Variants in PSD2 observed in about 807,000 individuals in gnomAD.
PSD2 encodes PH and SEC7 domain-containing protein 2.
In PSD2, 38 loss-of-function variants were observed where a neutral mutation model predicts 69.8. The observed-to-expected ratio is 0.54, with a 90% CI of 0.42 to 0.71. The LOEUF (loss-of-function observed/expected upper bound fraction) is 0.71, where lower values mean the gene tolerates loss of function less well. Ranked by LOEUF, PSD2 falls within the 30% of genes least tolerant of loss-of-function variation. The pLI is 0.00. For missense variants in PSD2, 943 were observed against 1,014.5 expected (o/e 0.93, Z 0.96); for synonymous variants, 412 against 423.0 (o/e 0.97, Z 0.32).
the PSD2 span, among the ~76,000 whole-genome samples, chr5:139,766,930 C>CCTTCCT: frequency 2.7e-3 from 121 of 44,114 alleles, 9 homozygotes; most frequent in African/African-American, 8.7e-3. Flanking sequence ...CCTTCCTTCC[C>CCTTCCT]TTCTTTCTTT....
intron 1 of PSD2, among the ~76,000 whole-genome samples, chr5:139,802,194 G>A (rs1317983150): frequency 6.6e-6 from 1 of 151,924 alleles, no homozygotes; most frequent in South Asian, 2.1e-4. Context: ...AGGGGGTGGG[G>A]AGGAAGGCCA....
the PSD2 span, among the ~76,000 whole-genome samples, chr5:139,765,105 C>G: frequency 6.6e-6 from 1 of 152,002 alleles, no homozygotes; most frequent in East Asian, 1.9e-4. Context: ...TGTGCCATAT[C>G]CCCAGACCCA....
intron 8 of PSD2, among the ~76,000 whole-genome samples, chr5:139,834,911 C>T (rs1760678723): frequency 2.0e-5 from 3 of 151,744 alleles, no homozygotes; most frequent in African/African-American, 7.3e-5. Flanking sequence ...TTCACCTACC[C>T]ATATACCCAC....
the PSD2 span, among the ~76,000 whole-genome samples, chr5:139,769,094 C>T: frequency 3.1e-3 from 476 of 152,188 alleles, 1 homozygote; most frequent in African/African-American, 0.01. Flanking sequence ...GCCTGTGACC[C>T]AGCCTGGTGG....
the PSD2 span, among the ~76,000 whole-genome samples, chr5:139,790,755 G>T: frequency 1.3e-5 from 2 of 152,120 alleles, no homozygotes; most frequent in African/African-American, 4.8e-5. Context: ...AGAAAATGGT[G>T]GCCATGGCCG....
At position 139,840,157 on chromosome 5, in the gene PSD2, A is replaced by G. The variant is rs779885485; in HGVS notation, c.2099A>G (p.Tyr700Cys). Residue 700 changes from tyrosine to cysteine, a missense_variant, in exon 14 of 15, where the codon TAT becomes TGT. Tyr to Cys is a radical substitution (Grantham distance 194, BLOSUM62 -2). Coordinates refer to ENST00000274710, the MANE Select transcript of PSD2 (RefSeq NM_032289.4). ...EAEEYRLKEH[Y>C]LTFEKSRYET... ...GAGGAGTACCGGTTGAAGGAGCACT[A>G]TCTCACCTTCGAGGTGAGCCTTGGG... 3 of 1,614,106 alleles carry G rather than the reference A, an allele frequency of 1.9e-6. No individual in the cohort carries two copies. Among genetic ancestry groups the G allele is most frequent in the Non-Finnish European group, 2.5e-6 (3 of 1,180,026 alleles).
intron 8 of PSD2, 43 bp from the exon 9 acceptor site, chr5:139,835,680 A>G (rs757590504): frequency 3.1e-6 from 5 of 1,598,442 alleles, no homozygotes; most frequent in Middle Eastern, 1.7e-4. Flanking sequence ...GGTTTCTTTG[A>G]CCCTTCACCT....
the PSD2 span, among the ~76,000 whole-genome samples, chr5:139,748,330 A>C: frequency 3.3e-5 from 5 of 152,298 alleles, no homozygotes; most frequent in East Asian, 3.9e-4. Flanking sequence ...TATGTGCCTA[A>C]AATACACATA....
At chr5:139,764,962 A>G in the PSD2 span, among the ~76,000 whole-genome samples, 1 of 152,080 alleles carries the variant, frequency 6.6e-6, no homozygotes, top group Admixed American at 6.5e-5. Context: ...GGGAAGTGCC[A>G]TACTGTTCCA....
the PSD2 span, among the ~76,000 whole-genome samples, chr5:139,765,181 G>A: frequency 0.42 from 64,447 of 151,712 alleles, 14,837 homozygotes; most frequent in East Asian, 0.77. Flanking sequence ...TGCCCCTTCT[G>A]CTCGCTATCT....
the PSD2 span, among the ~76,000 whole-genome samples, chr5:139,769,452 C>G: frequency 6.6e-6 from 1 of 152,180 alleles, no homozygotes; most frequent in Non-Finnish European, 1.5e-5. Flanking sequence ...ATGCCCTCAT[C>G]TCTCCCAGCT....
At chr5:139,750,325 A>C in the PSD2 span, among the ~76,000 whole-genome samples, 1 of 152,126 alleles carries the variant, frequency 6.6e-6, no homozygotes, top group South Asian at 2.1e-4. Flanking sequence ...ACTCCATCTC[A>C]AAAACAAAAA....
intron 7 of PSD2, among the ~76,000 whole-genome samples, chr5:139,827,903 C>G (rs1469718548): frequency 6.6e-6 from 1 of 152,094 alleles, no homozygotes; most frequent in African/African-American, 2.4e-5. Context: ...GGTGGGGACA[C>G]AGGGCGAAAC....
upstream of PSD2, among the ~76,000 whole-genome samples, chr5:139,792,932 T>C (rs1759445660): frequency 6.6e-6 from 1 of 150,668 alleles, no homozygotes; most frequent in African/African-American, 2.5e-5. Context: ...TTTCTTTCTT[T>C]CTTTCTGTCT....
chr5:139,803,031 C>T (rs1366491347), intron 1 of PSD2, among the ~76,000 whole-genome samples: 1 of 152,230 alleles, frequency 6.6e-6, no homozygotes, highest in East Asian at 1.9e-4. Flanking sequence ...GTTATCACTC[C>T]AAACAGGCAT....
intron 5 of PSD2, among the ~76,000 whole-genome samples, chr5:139,818,607 CT>C (rs1283291918): frequency 6.6e-6 from 1 of 152,138 alleles, no homozygotes; most frequent in African/African-American, 2.4e-5. Context: ...TCTTTTTTCT[CT>C]GCTTCTGTTG....
At chr5:139,780,485 C>A in the PSD2 span, among the ~76,000 whole-genome samples, 3 of 152,014 alleles carry the variant, frequency 2.0e-5, no homozygotes, top group Admixed American at 2.0e-4. Flanking sequence ...GCTCTATTGC[C>A]CAGGCTGGAG....
the PSD2 span, among the ~76,000 whole-genome samples, chr5:139,771,835 C>T: frequency 6.6e-6 from 1 of 152,156 alleles, no homozygotes; most frequent in East Asian, 1.9e-4. Flanking sequence ...GATGCTGTTG[C>T]CCCTGGCCTT....
chr5:139,834,158 G>C (rs1760659135), intron 8 of PSD2, among the ~76,000 whole-genome samples: 1 of 152,122 alleles, frequency 6.6e-6, no homozygotes, highest in Non-Finnish European at 1.5e-5. Flanking sequence ...AACATTACCA[G>C]GAATTAAGAG....
Sources: gnomAD v4.1 joint callset for allele counts (sites outside exome capture counted in the v4.1 genomes callset) on GRCh38, gnomAD v4.1.1 for gene constraint, MANE v1.5 for transcripts, NCBI Gene and HGNC (gene_info 2026-07-23, HGNC 2026-07-21) for gene names.